NQO2: variants seen among roughly 807,000 people sequenced by gnomAD.
NQO2 encodes N-ribosyldihydronicotinamide:quinone dehydrogenase 2.
In NQO2, 18 loss-of-function variants were observed where a neutral mutation model predicts 22.0. That is an observed-to-expected ratio of 0.82 (90% confidence interval 0.56 to 1.21). NQO2 has a LOEUF of 1.21. Ranked by LOEUF, NQO2 falls within the 50% of genes most tolerant of loss-of-function variation. The probability of loss-of-function intolerance (pLI) is 0.00; values close to 1 mark genes in which losing one functional copy is unlikely to be tolerated. For missense variants in NQO2, 267 were observed against 286.9 expected (o/e 0.93, Z 0.50); for synonymous variants, 106 against 110.8 (o/e 0.96, Z 0.28).
intron 3 of NQO2, 85 bp downstream of exon 3, chr6:3,010,274 G>A: frequency 8.0e-7 from 1 of 1,248,362 alleles, no homozygotes; most frequent in Middle Eastern, 2.0e-4. Flanking sequence ...GCTGCAAAAT[G>A]GCATTATAGA....
intron 4 of NQO2, among the ~76,000 whole-genome samples, chr6:3,012,877 C>T (rs1340649423): frequency 2.0e-5 from 3 of 150,882 alleles, no homozygotes; most frequent in African/African-American, 7.3e-5. Context: ...AGTTACAACA[C>T]TTCACCTAGT....
At chr6:3,012,378 T>C in intron 3 of NQO2, 166 bp from the exon 4 acceptor site, 2 of 985,394 alleles carry the variant, frequency 2.0e-6, no homozygotes, top group Non-Finnish European at 2.4e-6. Context: ...CCTCCCAGAC[T>C]GCTTCTCTTT....
chr6:3,015,443 G>C, intron 4 of NQO2, 87 bp from the exon 5 acceptor site: 1 of 1,520,352 alleles, frequency 6.6e-7, no homozygotes, highest in Admixed American at 2.1e-5. Flanking sequence ...AGGGCTGTGG[G>C]CTTCATTCCG....
intron 1 of NQO2, chr6:3,002,186 A>G (rs1756755123): frequency 2.0e-6 from 2 of 985,210 alleles, no homozygotes; most frequent in African/African-American, 1.7e-5. Flanking sequence ...AGGAGTGAAA[A>G]TGAAGCATTT....
At chr6:3,015,186 C>A in intron 4 of NQO2, 1 of 1,330,892 alleles carries the variant, frequency 7.5e-7, no homozygotes, top group Non-Finnish European at 9.8e-7. Flanking sequence ...GCATGCTTTT[C>A]CATACTCTTC....
chr6:3,011,716 C>T (rs1458767610), intron 3 of NQO2, among the ~76,000 whole-genome samples: 1 of 152,088 alleles, frequency 6.6e-6, no homozygotes, highest in African/African-American at 2.4e-5. Flanking sequence ...TAACAGAGCT[C>T]CAGTTCATCT....
intron 2 of NQO2, among the ~76,000 whole-genome samples, chr6:3,008,919 A>G (rs1757046107): frequency 6.6e-6 from 1 of 152,182 alleles, no homozygotes; most frequent in African/African-American, 2.4e-5. Context: ...ATAGAATATC[A>G]CAAAGCAAAT....
chr6:3,016,711 C>T (rs1266236880), intron 5 of NQO2, 173 bp from the exon 6 acceptor site: 2 of 975,706 alleles, frequency 2.0e-6, no homozygotes, highest in African/African-American at 1.8e-5. Context: ...GTCTCCTCCT[C>T]CTCTTGGGAT....
At chr6:3,007,426 G>GAA (rs1400791438) in intron 2 of NQO2, among the ~76,000 whole-genome samples, 1 of 152,228 alleles carries the variant, frequency 6.6e-6, no homozygotes, top group African/African-American at 2.4e-5. Flanking sequence ...TGTTAACCAT[G>GAA]AATCTAACTT....
chr6:3,004,337 G>A (rs1365753352), intron 1 of NQO2: 90 of 985,404 alleles, frequency 9.1e-5, no homozygotes, highest in Non-Finnish European at 1.0e-4. Context: ...GAAGTCAAGC[G>A]AATGGGGAAG....
In NQO2 at chr6:3,010,013, A is replaced by G; in HGVS notation, c.8-12A>G. ...TGTTCTTCAAGAGGAACTGTTTCTTATCCTGATTTAGGTAAGAAAGTACTC... is the reference window on the plus strand; with the variant it reads ...TGTTCTTCAAGAGGAACTGTTTCTTGTCCTGATTTAGGTAAGAAAGTACTC... On this transcript the variant is annotated splice_polypyrimidine_tract_variant and intron_variant, in intron 2 of 6. Coordinates refer to ENST00000380455, the MANE Select transcript of NQO2 (RefSeq NM_000904.6). 6 of 1,603,622 alleles carry G rather than the reference A, an allele frequency of 3.7e-6. No homozygotes were observed. The highest frequency in any genetic ancestry group is 5.1e-6 in the Non-Finnish European group (6 of 1,174,488).
At chr6:3,015,943 C>A (rs893354706) in intron 5 of NQO2, among the ~76,000 whole-genome samples, 3 of 152,114 alleles carry the variant, frequency 2.0e-5, no homozygotes, top group African/African-American at 7.2e-5. Flanking sequence ...GTGGGCAACC[C>A]GGTGGCCAGC....
chr6:3,016,494 G>GTAAGGGAAAATAAA (rs1757333752), intron 5 of NQO2, among the ~76,000 whole-genome samples: 1 of 150,660 alleles, frequency 6.6e-6, no homozygotes, highest in Admixed American at 6.6e-5. Context: ...ATAAATGCAC[G>GTAAGGGAAAATAAA]TAAGGGAAAC....
intron 5 of NQO2, chr6:3,016,663 T>G: frequency 5.1e-6 from 4 of 786,100 alleles, no homozygotes; most frequent in Non-Finnish European, 6.2e-6. Flanking sequence ...CTGGGCATGT[T>G]AGAGCTTCTG....
chr6:3,012,287 C>A, intron 3 of NQO2: 1 of 638,920 alleles, frequency 1.6e-6, no homozygotes, highest in Non-Finnish European at 1.9e-6. Context: ...GGGAAATACA[C>A]CAGTCTCACC....
intron 3 of NQO2, chr6:3,012,340 G>A (rs910870586): frequency 2.4e-5 from 23 of 968,052 alleles, no homozygotes; most frequent in Non-Finnish European, 2.8e-5. Context: ...CACAGCACCT[G>A]CTAGGTAGCA....
At chr6:3,015,770 G>A (rs1010792236) in intron 5 of NQO2, 127 bp downstream of exon 5, 2 of 866,442 alleles carry the variant, frequency 2.3e-6, no homozygotes, top group Non-Finnish European at 3.6e-6. Context: ...CACCCACTAT[G>A]TACAAAGCAC....
Position 3,010,198 on chromosome 6 carries a change from TG to T in NQO2, c.172+12del, listed in dbSNP as rs1757097491. On this transcript the variant is annotated intron_variant, in intron 3 of 6. Coordinates refer to ENST00000380455, the MANE Select transcript of NQO2 (RefSeq NM_000904.6). ...AGACAAAGATATCACTGGTGAGTCA[TG>T]GGATAAATGCTCTATTTATAAAAAC... 3 of 1,584,754 alleles carry T rather than the reference TG, an allele frequency of 1.9e-6. No homozygotes were observed. The highest frequency in any genetic ancestry group is 2.6e-6 in the Non-Finnish European group (3 of 1,164,512).
chr6:3,016,287 C>T (rs1289850670), intron 5 of NQO2, among the ~76,000 whole-genome samples: 6 of 151,814 alleles, frequency 4.0e-5, no homozygotes, highest in Admixed American at 3.3e-4. Context: ...AAAAATTAGC[C>T]GGGCATGGTG....
Sources: gnomAD v4.1 joint callset for allele counts (sites outside exome capture counted in the v4.1 genomes callset) on GRCh38, gnomAD v4.1.1 for gene constraint, MANE v1.5 for transcripts, NCBI Gene and HGNC (gene_info 2026-07-23, HGNC 2026-07-21) for gene names.